The following NABP2 variants were observed in gnomAD, a reference collection of about 807,000 sequenced individuals.
NABP2 encodes nucleic acid binding protein 2.
NABP2 carries 7 observed loss-of-function variants against 22.7 expected under a neutral mutation model. The ratio of observed to expected loss-of-function variants is 0.31; its 90% CI spans 0.18 to 0.58. The LOEUF (loss-of-function observed/expected upper bound fraction) is 0.58. Ranked by LOEUF, NABP2 falls within the 20% of genes least tolerant of loss-of-function variation. NABP2 has a pLI of 0.89. For synonymous variants in NABP2, 107 were observed against 99.2 expected (o/e 1.08, Z -0.47); for missense variants, 188 against 265.9 (o/e 0.71, Z 2.04).
Position 56,226,430 on chromosome 12 carries a change from T to TC in NABP2, c.436+14dup. On this transcript the variant is annotated intron_variant, in intron 6 of 6. Coordinates refer to ENST00000267023, the MANE Select transcript of NABP2 (RefSeq NM_024068.4). ...CTGCTGCCTCTCCAGGTAAATCTGT[T>TC]CCCTTCTATCCACTGGTCCTCCTAG... 6.2e-7 allele frequency: 1 copy of TC among 1,611,628 alleles called. No homozygotes were observed. The highest frequency in any genetic ancestry group is 8.5e-7 in the Non-Finnish European group (1 of 1,179,144).
intron 6 of NABP2, 52 bp from the exon 7 acceptor site, chr12:56,228,962 A>C (rs1425434468): frequency 6.6e-7 from 1 of 1,515,964 alleles, no homozygotes; most frequent in Admixed American, 1.9e-5. Flanking sequence ...CTTGGGATGG[A>C]CCCCTCTCCT....
At chr12:56,224,600 T>A in intron 1 of NABP2, 159 bp downstream of exon 1, 1 of 1,228,940 alleles carries the variant, frequency 8.1e-7, no homozygotes, top group Non-Finnish European at 1.1e-6. Context: ...GGCTTGAGAC[T>A]AAAAGAGCAT....
At position 56,225,612 on chromosome 12, in the gene NABP2, T is replaced by G. The variant is rs760749823; in HGVS notation, c.219-12T>G. The G allele has an allele frequency of 6.2e-7, 1 of 1,614,192 alleles. No individual in the cohort carries two copies. The highest frequency in any genetic ancestry group is 8.5e-7 in the Non-Finnish European group (1 of 1,180,046). On this transcript the variant is annotated splice_polypyrimidine_tract_variant and intron_variant, in intron 3 of 6. Transcript: ENST00000267023. ...TCTGAGTACTGAATTTTGCTTTTTT[T>G]GCCTCCCATAGGTACGCTTCAGTTT...
At chr12:56,227,292 C>T (rs1332167898) in intron 6 of NABP2, among the ~76,000 whole-genome samples, 1 of 151,220 alleles carries the variant, frequency 6.6e-6, no homozygotes, top group Non-Finnish European at 1.5e-5. Flanking sequence ...AGGCGAATGG[C>T]TTGAACCTGG....
chr12:56,224,152 T>G (rs80025355), upstream of NABP2, among the ~76,000 whole-genome samples: 936 of 152,304 alleles, frequency 6.1e-3, 8 homozygotes, highest in Non-Finnish European at 7.8e-3. Flanking sequence ...CGCCTTCTAG[T>G]GGTGGATTTT....
chr12:56,224,430 C>G lies in NABP2; in HGVS notation c.-35C>G. 9.7e-7 allele frequency: 1 copy of G among 1,027,258 alleles called. No individual in the cohort carries two copies. The highest frequency in any genetic ancestry group is 1.2e-6 in the Non-Finnish European group (1 of 850,652). 63.6% of individuals were successfully genotyped at this position (1,027,258 alleles called of 1,614,324 possible). ...TGCTCAGCGGCGTGCACAGTCCTGC[C>G]GGCTGGCTTGGGTGGGTGGTGGGCT... On this transcript the variant is annotated 5_prime_UTR_variant, in exon 1 of 7. Transcript: ENST00000267023.
Position 56,226,202 on chromosome 12 carries a change from T to C in NABP2, c.314T>C (p.Val105Ala). Residue 105 changes from valine (V) to alanine (A), a missense_variant, in exon 5 of 7, where the codon GTT (valine) becomes GCT (alanine). By Grantham distance (64) the Val-to-Ala change is moderately conservative. Coordinates refer to ENST00000267023, the MANE Select transcript of NABP2 (RefSeq NM_024068.4). ...AGATTCTGTATGGTTTATTCTGAGG[T>C]TCCTAACTTCAGTGAGCCAAACCCA... ...IGEFCMVYSEVPNFSEPNPEY... is the reference protein window; with the variant it reads ...IGEFCMVYSEAPNFSEPNPEY... The C allele has an allele frequency of 6.2e-7, 1 of 1,614,078 alleles. No individual in the cohort carries two copies. Among genetic ancestry groups the C allele is most frequent in the Non-Finnish European group, 8.5e-7 (1 of 1,180,024 alleles).
Position 56,225,624 on chromosome 12 carries a change from G to A in NABP2, c.219G>A (p.Gly73=), listed in dbSNP as rs146359876. ...QPGDIIRLTK[G]YASVFKGCLT... ...ATTTTGCTTTTTTTGCCTCCCATAG[G>A]TACGCTTCAGTTTTCAAAGGTTGTC... Residue 73 remains glycine (G), a splice_region_variant and synonymous_variant, in exon 4 of 7, where the codon GGG becomes GGA. Transcript: ENST00000267023. The A allele has an allele frequency of 6.2e-7, 1 of 1,614,036 alleles. No homozygotes were observed. Among genetic ancestry groups the A allele is most frequent in the Non-Finnish European group, 8.5e-7 (1 of 1,180,024 alleles).
chr12:56,228,383 G>A (rs1263659741), intron 6 of NABP2, among the ~76,000 whole-genome samples: 1 of 149,534 alleles, frequency 6.7e-6, no homozygotes, highest in African/African-American at 2.5e-5. Flanking sequence ...TTGGTGAAGG[G>A]GCCTTTTTTT....
chr12:56,225,038 T>A, intron 2 of NABP2, 103 bp downstream of exon 2: 1 of 844,172 alleles, frequency 1.2e-6, no homozygotes, highest in Non-Finnish European at 1.9e-6. Context: ...CAAGGCAAGC[T>A]GCAAGACACT....
Position 56,224,950 on chromosome 12 carries a change from G to A in NABP2, c.79+15G>A, listed in dbSNP as rs928568841. 3 of 1,584,924 alleles carry A rather than the reference G, an allele frequency of 1.9e-6. No homozygotes were observed. The highest frequency in any genetic ancestry group is 1.1e-5 in the South Asian group (1 of 90,554). Reference sequence around the variant, plus strand: ...GCTGGAGACAGGTGTCTATACTGGGGTGGCGGGTTCGCGGGATGGGGGTCG... The same window carrying A: ...GCTGGAGACAGGTGTCTATACTGGGATGGCGGGTTCGCGGGATGGGGGTCG... On this transcript the variant is annotated intron_variant, in intron 2 of 6. Transcript: ENST00000267023.
intron 6 of NABP2, 101 bp downstream of exon 6, chr12:56,226,520 C>A: frequency 7.0e-6 from 6 of 853,812 alleles, no homozygotes; most frequent in Non-Finnish European, 9.7e-6. Context: ...TCTCTCTTTT[C>A]TCAGTGTATC....
chr12:56,229,087 T>TTGCCGGC lies in NABP2; in HGVS notation c.510_511insTGCCGGC (p.Pro171CysfsTer32). On this transcript the variant is annotated frameshift_variant, in exon 7 of 7. Transcript: ENST00000267023. LOFTEE classifies it high-confidence loss of function. ...GTGGTGGCCCACATCCCCCTCATAC[T>TTGCCGGC]CCCTCCCACCCACCCAGCACCCGAA... The TTGCCGGC allele has an allele frequency of 2.6e-6, 4 of 1,512,330 alleles. No homozygotes were observed. Among genetic ancestry groups the TTGCCGGC allele is most frequent in the Non-Finnish European group, 3.6e-6 (4 of 1,102,000 alleles). 93.7% of individuals were successfully genotyped at this position (1,512,330 alleles called of 1,614,324 possible). A position where few individuals can be genotyped will look rare whatever the true frequency, so the allele number is the denominator to read the frequency against.
In NABP2 at chr12:56,229,429, T is replaced by C; in HGVS notation, c.*216T>C. Reference sequence around the variant, plus strand: ...GTCAGGACCCTCTGCCTGCTCTCTTTCCTCTTTAGAAATGGCAGTTACTGG... The same window carrying C: ...GTCAGGACCCTCTGCCTGCTCTCTTCCCTCTTTAGAAATGGCAGTTACTGG... On this transcript the variant is annotated 3_prime_UTR_variant, in exon 7 of 7. Transcript: ENST00000267023. 1 of 580,888 alleles carries C rather than the reference T, an allele frequency of 1.7e-6. No homozygotes were observed. The highest frequency in any genetic ancestry group is 3.1e-5 in the Admixed American group (1 of 32,412). 36.0% of individuals were successfully genotyped at this position (580,888 alleles called of 1,614,324 possible). A position where few individuals can be genotyped will look rare whatever the true frequency, so the allele number is the denominator to read the frequency against.
intron 1 of NABP2, 102 bp downstream of exon 1, chr12:56,224,543 G>A (rs1869667957): frequency 8.4e-7 from 1 of 1,194,076 alleles, no homozygotes; most frequent in Non-Finnish European, 1.1e-6. Context: ...CTCCCTGGCT[G>A]TGCACCGGGT....
In NABP2 at chr12:56,225,358, A is replaced by C; in HGVS notation, c.80-15A>C. On this transcript the variant is annotated splice_polypyrimidine_tract_variant and intron_variant, in intron 2 of 6. Transcript: ENST00000267023. ...TTTGACCATCCTCCCACCTCGATTTATCTGTTCCGTTCAGGCCGAGTGACC... is the reference window on the plus strand; with the variant it reads ...TTTGACCATCCTCCCACCTCGATTTCTCTGTTCCGTTCAGGCCGAGTGACC... 1.2e-6 allele frequency: 2 copies of C among 1,614,046 alleles called. No homozygotes were observed. The highest frequency in any genetic ancestry group is 1.7e-6 in the Non-Finnish European group (2 of 1,179,994).
At chr12:56,224,738 C>A (rs1869679344) in intron 1 of NABP2, 96 bp from the exon 2 acceptor site, 1 of 1,156,824 alleles carries the variant, frequency 8.6e-7, no homozygotes, top group African/African-American at 1.5e-5. Context: ...TTGAGGCTGC[C>A]TGACCCCAGC....
Position 56,229,087 on chromosome 12 carries a change from T to TTGCCAGC in NABP2, c.510_511insTGCCAGC (p.Pro171CysfsTer32). ...GTGGTGGCCCACATCCCCCTCATAC[T>TTGCCAGC]CCCTCCCACCCACCCAGCACCCGAA... On this transcript the variant is annotated frameshift_variant, in exon 7 of 7. Coordinates refer to ENST00000267023, the MANE Select transcript of NABP2 (RefSeq NM_024068.4). LOFTEE classifies it high-confidence loss of function. 2.6e-6 allele frequency: 4 copies of TTGCCAGC among 1,512,342 alleles called. No individual in the cohort carries two copies. Among genetic ancestry groups the TTGCCAGC allele is most frequent in the Non-Finnish European group, 3.6e-6 (4 of 1,102,010 alleles). The allele number at this position is 1,512,342 out of a possible 1,614,324, so 93.7% of individuals were successfully genotyped here.
At chr12:56,226,557 CTTTTTTTTTTT>C (rs10676451) in intron 6 of NABP2, 138 bp downstream of exon 6, 5 of 271,338 alleles carry the variant, frequency 1.8e-5, no homozygotes, top group East Asian at 8.9e-5. Flanking sequence ...TCCCAGACCC[CTTTTTTTTTTT>C]TTTTTTTTTT....
Sources: gnomAD v4.1 joint callset for allele counts (sites outside exome capture counted in the v4.1 genomes callset) on GRCh38, gnomAD v4.1.1 for gene constraint, MANE v1.5 for transcripts, NCBI Gene and HGNC (gene_info 2026-07-23, HGNC 2026-07-21) for gene names.